Variants in TF observed in about 807,000 individuals in gnomAD.
TF encodes serotransferrin.
A neutral mutation model predicts 82.4 loss-of-function variants in TF; 55 were observed. The ratio of observed to expected loss-of-function variants is 0.67; its 90% CI spans 0.54 to 0.84. TF has a LOEUF of 0.84. Ranked by LOEUF, TF falls within the 40% of genes least tolerant of loss-of-function variation. The pLI is 0.00. For missense variants in TF, 737 were observed against 868.4 expected (o/e 0.85, Z 1.90); for synonymous variants, 332 against 332.6 (o/e 1.00, Z 0.02).
At chr3:133,729,398 G>T in the TF span, among the ~76,000 whole-genome samples, 6 of 151,986 alleles carry the variant, frequency 3.9e-5, no homozygotes, top group Admixed American at 3.9e-4. Context: ...GCTGCCTTGC[G>T]GTTTGATCTC....
intron 2 of TF, among the ~76,000 whole-genome samples, chr3:133,751,839 AC>A (rs1933680545): frequency 6.6e-6 from 1 of 151,860 alleles, no homozygotes; most frequent in South Asian, 2.1e-4. Context: ...TAAAAAAAAT[AC>A]AAAAATTAGC....
At chr3:133,713,298 C>T in the TF span, among the ~76,000 whole-genome samples, 3 of 152,176 alleles carry the variant, frequency 2.0e-5, no homozygotes, top group African/African-American at 7.2e-5. Context: ...AAGCTGTTAC[C>T]AACCATGGGT....
Position 133,764,223 on chromosome 3 carries a change from C to G in TF, c.1245C>G (p.Val415=). The change falls in exon 10 of 17, where the codon GTC becomes GTG. Residue 415 remains valine (V), a synonymous_variant. Transcript: ENST00000402696. ...ADAMSLDGGF[V]YIAGKCGLVP... ...CCATGAGCTTGGATGGAGGGTTTGT[C>G]TACATAGCGGGCAAGTGTGGTCTGG... 1 of 1,613,978 alleles carries G rather than the reference C, an allele frequency of 6.2e-7. No individual in the cohort carries two copies. The highest frequency in any genetic ancestry group is 8.5e-7 in the Non-Finnish European group (1 of 1,179,878).
chr3:133,673,682 TG>T, the TF span, among the ~76,000 whole-genome samples: 2 of 151,902 alleles, frequency 1.3e-5, no homozygotes, highest in African/African-American at 4.8e-5. Context: ...GTCAAGATAA[TG>T]GGTACCTTTG....
chr3:133,755,685 A>C, intron 5 of TF, 190 bp downstream of exon 5: 1 of 716,460 alleles, frequency 1.4e-6, no homozygotes, highest in Non-Finnish European at 2.3e-6. Context: ...CTTTCATCTG[A>C]CCCTGACAAG....
At chr3:133,768,394 A>T (rs1349742840) in intron 13 of TF, among the ~76,000 whole-genome samples, 1 of 152,186 alleles carries the variant, frequency 6.6e-6, no homozygotes, top group Admixed American at 6.5e-5. Context: ...ACAGTTTAGC[A>T]GTTGTCAACG....
At chr3:133,712,957 G>A in the TF span, among the ~76,000 whole-genome samples, 1 of 152,238 alleles carries the variant, frequency 6.6e-6, no homozygotes, top group East Asian at 1.9e-4. Context: ...TGGCTCCAAT[G>A]ACTCAAGTCC....
chr3:133,795,906 T>G lies in TF; in HGVS notation c.*17286T>G, dbSNP rs146222160. On this transcript the variant is annotated 3_prime_UTR_variant, in exon 17 of 17. Transcript: ENST00000402696. ...GGGGAATTTTTTTTAAACAAAATTA[T>G]GGGAGGTCATTTTTTTGTACTGAGC... The G allele has an allele frequency of 6.6e-6, 1 of 152,274 alleles. No homozygotes were observed. The highest frequency in any genetic ancestry group is 1.9e-4 in the East Asian group (1 of 5,164). The allele number at this position is 152,274 out of a possible 1,614,324, so 9.4% of individuals were successfully genotyped here.
chr3:133,718,626 C>T, the TF span, among the ~76,000 whole-genome samples: 5 of 152,242 alleles, frequency 3.3e-5, no homozygotes, highest in African/African-American at 1.2e-4. Context: ...GGATCAGAAT[C>T]TCCTGGAGGT....
chr3:133,725,745 A>G, the TF span, among the ~76,000 whole-genome samples: 8 of 152,054 alleles, frequency 5.3e-5, no homozygotes, highest in South Asian at 2.1e-4. Context: ...AGTTTTCAAA[A>G]GGAATGCTTC....
the TF span, among the ~76,000 whole-genome samples, chr3:133,706,384 T>C: frequency 6.6e-6 from 1 of 152,170 alleles, no homozygotes; most frequent in African/African-American, 2.4e-5. Context: ...AGGAGGCAAG[T>C]TCCTCCGTTT....
At chr3:133,687,862 A>G in the TF span, among the ~76,000 whole-genome samples, 1 of 152,190 alleles carries the variant, frequency 6.6e-6, no homozygotes, top group Non-Finnish European at 1.5e-5. Flanking sequence ...TCCACTGTTC[A>G]GCTATTGTGA....
At chr3:133,720,222 G>A in the TF span, among the ~76,000 whole-genome samples, 8 of 152,120 alleles carry the variant, frequency 5.3e-5, no homozygotes, top group African/African-American at 9.7e-5. Context: ...TCAGTATGAT[G>A]TTAGCTATGG....
At chr3:133,751,622 T>C (rs917109571) in intron 2 of TF, among the ~76,000 whole-genome samples, 4 of 152,226 alleles carry the variant, frequency 2.6e-5, no homozygotes, top group African/African-American at 9.6e-5. Context: ...TTTCAGTTTC[T>C]GGAGATGGAT....
In TF at chr3:133,755,445, G is replaced by A. The variant is rs376851470; in HGVS notation, c.585G>A (p.Gly195=). The A allele has an allele frequency of 6.3e-5, 101 of 1,614,118 alleles. No homozygotes were observed. The highest frequency in any genetic ancestry group is 5.1e-4 in the East Asian group (23 of 44,900). Residue 195 remains glycine (G), a synonymous_variant, in exon 5 of 17, where the codon GGG becomes GGA. Transcript: ENST00000402696. ...DFPQLCQLCP[G]CGCSTLNQYF... The stretch of plus-strand genomic sequence containing the variant: ...CCCAGCTGTGTCAACTGTGTCCAGG[G>A]TGTGGCTGCTCCACCCTTAACCAAT...
chr3:133,754,820 C>T, intron 4 of TF, 149 bp downstream of exon 4: 1 of 907,960 alleles, frequency 1.1e-6, no homozygotes, highest in Non-Finnish European at 1.8e-6. Flanking sequence ...GGCAGGTCTG[C>T]TGCACCAGCA....
chr3:133,662,544 C>T, the TF span, among the ~76,000 whole-genome samples: 28 of 152,306 alleles, frequency 1.8e-4, no homozygotes, highest in African/African-American at 6.7e-4. Flanking sequence ...CTTCAATGGT[C>T]TCCCCTCCTC....
chr3:133,729,505 G>A, the TF span, among the ~76,000 whole-genome samples: 14 of 152,316 alleles, frequency 9.2e-5, no homozygotes, highest in South Asian at 6.2e-4. Flanking sequence ...TTTTAAGCCC[G>A]TCGGAAAAGC....
At chr3:133,725,964 A>G in the TF span, among the ~76,000 whole-genome samples, 1 of 151,992 alleles carries the variant, frequency 6.6e-6, no homozygotes, top group East Asian at 1.9e-4. Flanking sequence ...TACATTTATC[A>G]ATTTGCGTAT....
Sources: gnomAD v4.1 joint callset for allele counts (sites outside exome capture counted in the v4.1 genomes callset) on GRCh38, gnomAD v4.1.1 for gene constraint, MANE v1.5 for transcripts, NCBI Gene and HGNC (gene_info 2026-07-23, HGNC 2026-07-21) for gene names.